NAA16: variants seen among roughly 807,000 people sequenced by gnomAD.
NAA16 encodes N-alpha-acetyltransferase 16, NatA auxiliary subunit.
A neutral mutation model predicts 110.3 loss-of-function variants in NAA16; 97 were observed. The ratio of observed to expected loss-of-function variants is 0.88; its 90% CI spans 0.75 to 1.04. NAA16 has a LOEUF of 1.04. Ranked by LOEUF, NAA16 falls within the 50% of genes least tolerant of loss-of-function variation. The pLI is 0.00. For missense variants in NAA16, 1,017 were observed against 1,005.1 expected (o/e 1.01, Z -0.16); for synonymous variants, 372 against 330.6 (o/e 1.13, Z -1.36).
chr13:41,362,586 G>A, intron 13 of NAA16: 2 of 598,648 alleles, frequency 3.3e-6, no homozygotes, highest in Admixed American at 2.9e-5. Flanking sequence ...CTCACATTCA[G>A]TATTCTGTAT....
chr13:41,343,390 C>CT (rs1312979707), intron 9 of NAA16, among the ~76,000 whole-genome samples: 1 of 152,124 alleles, frequency 6.6e-6, no homozygotes, highest in African/African-American at 2.4e-5. Flanking sequence ...ACGCCTAGCT[C>CT]TAAGAGCATT....
chr13:41,342,102 G>A (rs1402242459), intron 9 of NAA16, among the ~76,000 whole-genome samples: 2 of 148,462 alleles, frequency 1.3e-5, no homozygotes, highest in Non-Finnish European at 3.0e-5. Context: ...AAAGTGCAGG[G>A]ATTACAGGCG....
At chr13:41,375,357 C>G (rs749076858) in intron 19 of NAA16, 48 bp from the exon 20 acceptor site, 1 of 1,395,264 alleles carries the variant, frequency 7.2e-7, no homozygotes, top group Non-Finnish European at 1.0e-6. Context: ...TTATTAACTG[C>G]GAGCTTATTA....
rs1034729347 is a variant in NAA16 at position 41,316,793 on chromosome 13, G to C, written c.55-53G>C. On this transcript the variant is annotated intron_variant, in intron 1 of 19. Coordinates refer to ENST00000379406, the MANE Select transcript of NAA16 (RefSeq NM_024561.5). ...AGAATATATGATGCTGTGAGAAGTTGCTCCATTATGTATTCATTTGATAAA... is the reference window on the plus strand; with the variant it reads ...AGAATATATGATGCTGTGAGAAGTTCCTCCATTATGTATTCATTTGATAAA... 3.8e-5 allele frequency: 44 copies of C among 1,167,784 alleles called. No individual in the cohort carries two copies. The Admixed American group carries it at 7.2e-4, about 19-fold the overall frequency. 72.3% of individuals were successfully genotyped at this position (1,167,784 alleles called of 1,614,324 possible). A position where few individuals can be genotyped will look rare whatever the true frequency, so the allele number is the denominator to read the frequency against.
chr13:41,365,704 AG>A (rs1336246678), intron 13 of NAA16, among the ~76,000 whole-genome samples: 1 of 152,216 alleles, frequency 6.6e-6, no homozygotes, highest in Non-Finnish European at 1.5e-5. Context: ...AACTAGGATA[AG>A]TTGGTCACCC....
intron 19 of NAA16, 48 bp from the exon 20 acceptor site, chr13:41,375,357 C>T (rs749076858): frequency 2.7e-5 from 38 of 1,395,264 alleles, no homozygotes; most frequent in African/African-American, 7.2e-5. Flanking sequence ...TTATTAACTG[C>T]GAGCTTATTA....
intron 15 of NAA16, among the ~76,000 whole-genome samples, chr13:41,371,960 T>C (rs972412386): frequency 6.6e-6 from 1 of 152,218 alleles, no homozygotes; most frequent in African/African-American, 2.4e-5. Context: ...ACTTTATGTA[T>C]TTTTTTGTTT....
intron 9 of NAA16, among the ~76,000 whole-genome samples, chr13:41,351,614 A>T (rs564041588): frequency 6.6e-6 from 1 of 152,238 alleles, no homozygotes; most frequent in Non-Finnish European, 1.5e-5. Flanking sequence ...GTCACCAAGG[A>T]CATACTTTAG....
At chr13:41,373,076 G>C (rs1423103170) in intron 17 of NAA16, 1 of 778,148 alleles carries the variant, frequency 1.3e-6, no homozygotes, top group Non-Finnish European at 1.4e-6. Context: ...TTGCAATAAC[G>C]TAAAGCAAAA....
chr13:41,325,886 CAG>C, intron 6 of NAA16, 35 bp downstream of exon 6: 1 of 1,537,038 alleles, frequency 6.5e-7, no homozygotes, highest in Non-Finnish European at 8.8e-7. Flanking sequence ...TAGCCTCAAA[CAG>C]AAAACAAAAA....
intron 12 of NAA16, 119 bp downstream of exon 12, chr13:41,359,081 T>TA: frequency 1.2e-6 from 1 of 809,776 alleles, no homozygotes; most frequent in Non-Finnish European, 1.7e-6. Flanking sequence ...TCATTTTTAT[T>TA]ATTGTTTTTT....
At chr13:41,341,836 C>CTTTT (rs398117249) in intron 9 of NAA16, among the ~76,000 whole-genome samples, 1 of 145,262 alleles carries the variant, frequency 6.9e-6, no homozygotes, top group Non-Finnish European at 1.5e-5. Context: ...CAGACCAAAC[C>CTTTT]TTTTTTTTTT....
intron 9 of NAA16, among the ~76,000 whole-genome samples, chr13:41,340,313 T>C (rs2042501654): frequency 6.6e-6 from 1 of 152,180 alleles, no homozygotes. Context: ...GAAGGGTTTT[T>C]TGTGTCTGTA....
At chr13:41,322,224 A>G (rs2041965589) in intron 4 of NAA16, among the ~76,000 whole-genome samples, 1 of 150,058 alleles carries the variant, frequency 6.7e-6, no homozygotes, top group South Asian at 2.1e-4. Context: ...TCTAAAGAAA[A>G]AAAGGAGAGC....
chr13:41,311,590 G>A lies in NAA16; in HGVS notation c.54+8G>A. 1 of 1,603,308 alleles carries A rather than the reference G, an allele frequency of 6.2e-7. No individual in the cohort carries two copies. The highest frequency in any genetic ancestry group is 8.5e-7 in the Non-Finnish European group (1 of 1,175,490). On this transcript the variant is annotated splice_region_variant and intron_variant, in intron 1 of 19. Transcript: ENST00000379406. Reference sequence around the variant, plus strand: ...CTCTTCAAACGCATCTTGGTGAGTGGCCGTAGGCCGCGCTGCCGCCCCCCG... The same window carrying A: ...CTCTTCAAACGCATCTTGGTGAGTGACCGTAGGCCGCGCTGCCGCCCCCCG...
intron 9 of NAA16, among the ~76,000 whole-genome samples, chr13:41,348,242 A>C (rs974783079): frequency 2.0e-5 from 3 of 151,876 alleles, no homozygotes; most frequent in African/African-American, 7.3e-5. Flanking sequence ...ATCTCGGCTC[A>C]CTGCAACCTC....
intron 14 of NAA16, among the ~76,000 whole-genome samples, 171 bp downstream of exon 14, chr13:41,367,823 T>G (rs1403187593): frequency 6.6e-6 from 1 of 152,094 alleles, no homozygotes; most frequent in East Asian, 1.9e-4. Flanking sequence ...TTAAAAAAAG[T>G]GGGATGATAT....
At chr13:41,343,929 C>A (rs924567970) in intron 9 of NAA16, among the ~76,000 whole-genome samples, 3 of 152,182 alleles carry the variant, frequency 2.0e-5, no homozygotes, top group African/African-American at 4.8e-5. Flanking sequence ...GCCTTGGCCT[C>A]CCAAAGTGCT....
intron 9 of NAA16, among the ~76,000 whole-genome samples, chr13:41,344,608 C>T (rs749387898): frequency 6.6e-6 from 1 of 152,118 alleles, no homozygotes; most frequent in Admixed American, 6.5e-5. Context: ...CTACTGTTGA[C>T]GTGTTGGGCT....
Sources: allele counts gnomAD v4.1 joint callset (sites outside exome capture counted in the v4.1 genomes callset), GRCh38; gene constraint gnomAD v4.1.1; transcripts MANE v1.5; gene names NCBI Gene and HGNC (gene_info 2026-07-23, HGNC 2026-07-21).